CAMK2D: variants seen among roughly 807,000 people sequenced by gnomAD.
CAMK2D encodes calcium/calmodulin dependent protein kinase II delta.
A neutral mutation model predicts 84.0 loss-of-function variants in CAMK2D; 37 were observed. The observed-to-expected ratio is 0.44, with a 90% CI of 0.34 to 0.58. The LOEUF (loss-of-function observed/expected upper bound fraction) is 0.58. Among genes scored for constraint, CAMK2D ranks in the 20% least tolerant of loss-of-function variants. CAMK2D has a pLI of 0.02. For synonymous variants in CAMK2D, 202 were observed against 212.5 expected, an observed-to-expected ratio of 0.95 and a Z score of 0.43; for missense variants, 448 against 652.5, an observed-to-expected ratio of 0.69 and a Z score of 3.41.
intron 2 of CAMK2D, among the ~76,000 whole-genome samples, chr4:113,713,558 T>A (rs932776244): frequency 2.0e-5 from 3 of 148,878 alleles, no homozygotes; most frequent in Non-Finnish European, 3.0e-5. Flanking sequence ...GACTCTTTAA[T>A]AATAATATTG....
chr4:113,566,206 A>T (rs2098723070), intron 4 of CAMK2D, among the ~76,000 whole-genome samples: 1 of 152,226 alleles, frequency 6.6e-6, no homozygotes, highest in Non-Finnish European at 1.5e-5. Flanking sequence ...GGTCCAGTTC[A>T]AAGAGCAGGA....
intron 16 of CAMK2D, 146 bp downstream of exon 16, chr4:113,500,317 A>G: frequency 2.0e-6 from 1 of 497,494 alleles, no homozygotes; most frequent in Non-Finnish European, 3.5e-6. Flanking sequence ...TGTACTTATA[A>G]AAATATTTTT....
intron 2 of CAMK2D, among the ~76,000 whole-genome samples, chr4:113,710,169 T>C (rs2099487614): frequency 6.6e-6 from 1 of 152,104 alleles, no homozygotes; most frequent in Admixed American, 6.6e-5. Flanking sequence ...TCAAAAGCTC[T>C]CAATGACATA....
Position 113,749,080 on chromosome 4 carries a change from C to A in CAMK2D, c.160+10240G>T, listed in dbSNP as rs979612882. On this transcript the variant is annotated intron_variant, in intron 2 of 20. Transcript: ENST00000511664. ...TCACTATTGCCACTATGATTAAAGG[C>A]TTTAAGTCATCATTTAAAAATATGA... Among the ~76,000 whole-genome samples the A allele has an allele frequency of 2.6e-5, 4 of 151,578 alleles. No homozygotes were observed. The East Asian group carries it at 7.7e-4, about 29-fold the overall frequency.
chr4:113,754,588 T>A, intron 2 of CAMK2D: 1 of 982,758 alleles, frequency 1.0e-6, no homozygotes. Context: ...GTTATTAATA[T>A]CACAGTATGG....
In CAMK2D at chr4:113,515,091, G is replaced by A; in HGVS notation, c.797C>T (p.Ala266Val). The A allele has an allele frequency of 1.9e-6, 3 of 1,613,470 alleles. No individual in the cohort carries two copies. The South Asian group carries it at 3.3e-5, about 18-fold the overall frequency. Residue 266 changes from alanine (A) to valine (V), a missense_variant, in exon 10 of 21, where the codon GCA (alanine) becomes GTA (valine). Ala to Val is a moderately conservative substitution (Grantham distance 64, BLOSUM62 0). Around this residue, in one of 7 missense-constraint regions of CAMK2D, gnomAD observed 69 missense variants for 175.6 expected, o/e 0.39. Coordinates refer to ENST00000511664, the MANE Select transcript of CAMK2D (RefSeq NM_001321571.2). Reference sequence around the variant, plus strand: ...TACACAGATCCATGGGTGCTTCAGTGCCTCTGAGGCTGTGATGCGTTTGGC... The same window carrying A: ...TACACAGATCCATGGGTGCTTCAGTACCTCTGAGGCTGTGATGCGTTTGGC... ...NPAKRITASE[A>V]LKHPWICQRS...
chr4:113,656,125 G>A (rs886528671), intron 3 of CAMK2D, among the ~76,000 whole-genome samples: 1 of 152,026 alleles, frequency 6.6e-6, no homozygotes, highest in African/African-American at 2.4e-5. Flanking sequence ...AAAATAAAAG[G>A]TGAACAGAAT....
In CAMK2D at chr4:113,470,781, G is replaced by A. The variant is rs117293209; in HGVS notation, c.1136-5177C>T. 1.1e-4 allele frequency among the ~76,000 whole-genome samples: 16 copies of A among 152,214 alleles called. No homozygotes were observed. The East Asian group carries it at 2.1e-3, about 20-fold the overall frequency. On this transcript the variant is annotated intron_variant, in intron 16 of 20. Coordinates refer to ENST00000511664, the MANE Select transcript of CAMK2D (RefSeq NM_001321571.2). The stretch of plus-strand genomic sequence containing the variant: ...TTTACATATTTATTTGCATGTAACC[G>A]ATTAATCAGTTTTCTCTATTACTCT...
chr4:113,507,091 A>C (rs1460567319), intron 13 of CAMK2D, among the ~76,000 whole-genome samples: 1 of 152,174 alleles, frequency 6.6e-6, no homozygotes, highest in East Asian at 1.9e-4. Context: ...CTTTTTTGTT[A>C]ATGTAAAGAC....
At chr4:113,467,681 C>A (rs538366701) in intron 16 of CAMK2D, among the ~76,000 whole-genome samples, 1 of 152,300 alleles carries the variant, frequency 6.6e-6, no homozygotes, top group Non-Finnish European at 1.5e-5. Context: ...ATACATTCAA[C>A]AGCAAAACAT....
At chr4:113,457,300 A>AT (rs1400574043) in intron 19 of CAMK2D, 35 bp downstream of exon 19, 13 of 1,611,718 alleles carry the variant, frequency 8.1e-6, no homozygotes, top group African/African-American at 2.7e-5. Flanking sequence ...CCATGGGTGT[A>AT]TTAACAAAGA....
chr4:113,477,593 A>C (rs2097646246), intron 16 of CAMK2D, among the ~76,000 whole-genome samples: 3 of 152,004 alleles, frequency 2.0e-5, no homozygotes. Flanking sequence ...TAAAAATACA[A>C]AAATTAGCCA....
In CAMK2D at chr4:113,575,744, C is replaced by T. The variant is rs548551059; in HGVS notation, c.276-23648G>A. Among the ~76,000 whole-genome samples, 149 of 152,120 alleles carry T rather than the reference C, an allele frequency of 9.8e-4. 2 individuals are homozygous for T. Among genetic ancestry groups the T allele is most frequent in the African/African-American group, 3.2e-3 (134 of 41,500 alleles). ...CCTTTAATTTCCAGTTTCTAATTGC[C>T]TAAATGCTTGGACATTAGATTATAA... On this transcript the variant is annotated intron_variant, in intron 4 of 20. Transcript: ENST00000511664.
Position 113,661,784 on chromosome 4 carries a change from A to AG in CAMK2D, c.161-13_161-12insC. On this transcript the variant is annotated splice_polypyrimidine_tract_variant and intron_variant, in intron 2 of 20. Coordinates refer to ENST00000511664, the MANE Select transcript of CAMK2D (RefSeq NM_001321571.2). ...TAGTTTCTGATGATCTGTTAAAAAA[A>AG]AAAACAGAATAAGGCAAAAATAAAG... 6.9e-7 allele frequency: 1 copy of AG among 1,447,860 alleles called. No homozygotes were observed. Among genetic ancestry groups the AG allele is most frequent in the Non-Finnish European group, 9.4e-7 (1 of 1,068,358 alleles). The allele number at this position is 1,447,860 out of a possible 1,614,324, so 89.7% of individuals were successfully genotyped here.
intron 8 of CAMK2D, among the ~76,000 whole-genome samples, chr4:113,519,602 A>G (rs1254818370): frequency 1.3e-5 from 2 of 152,154 alleles, no homozygotes. Context: ...CCGTTTTGTA[A>G]GTTTACTTCA....
At chr4:113,637,130 T>A (rs555373652) in intron 3 of CAMK2D, among the ~76,000 whole-genome samples, 28 of 152,192 alleles carry the variant, frequency 1.8e-4, no homozygotes, top group African/African-American at 6.5e-4. Context: ...AGGCTTTTTT[T>A]ATTTGTTTAT....
At chr4:113,527,838 C>T (rs927713673) in intron 8 of CAMK2D, among the ~76,000 whole-genome samples, 4 of 152,028 alleles carry the variant, frequency 2.6e-5, no homozygotes, top group Admixed American at 2.6e-4. Context: ...TACAATGTGG[C>T]ATAATTAAAT....
chr4:113,534,640 A>G (rs2098478006), intron 7 of CAMK2D, among the ~76,000 whole-genome samples: 1 of 152,186 alleles, frequency 6.6e-6, no homozygotes, highest in Non-Finnish European at 1.5e-5. Flanking sequence ...TCAGTCCTCT[A>G]CTCACTGATT....
chr4:113,740,822 C>T (rs72678800), intron 2 of CAMK2D, among the ~76,000 whole-genome samples: 6,486 of 152,208 alleles, frequency 0.043, 259 homozygotes, highest in African/African-American at 0.093. Context: ...GCAAGAGTCT[C>T]CTAACTATAG....
Sources: gnomAD v4.1 joint callset for allele counts (sites outside exome capture counted in the v4.1 genomes callset) on GRCh38, gnomAD v4.1.1 for gene constraint, gnomAD v4.1.1 regional missense constraint, MANE v1.5 for transcripts, NCBI Gene and HGNC (gene_info 2026-07-23, HGNC 2026-07-21) for gene names.